LYST: variants seen among roughly 807,000 people sequenced by gnomAD.
LYST encodes the protein lysosomal-trafficking regulator.
A neutral mutation model predicts 413.6 loss-of-function variants in LYST; 192 were observed. That is an observed-to-expected ratio of 0.46 (90% CI 0.41 to 0.52). The LOEUF is 0.52. Ranked by LOEUF, LYST falls within the 20% of genes least tolerant of loss-of-function variation. LYST has a pLI of 0.00. For synonymous variants in LYST, 1,525 were observed against 1,567.3 expected (o/e 0.97, Z 0.64); for missense variants, 3,815 against 4,499.9 (o/e 0.85, Z 4.35).
chr1:235,779,073 G>A (rs909063216), intron 16 of LYST, among the ~76,000 whole-genome samples: 5 of 151,440 alleles, frequency 3.3e-5, no homozygotes. Context: ...CACCATGTTG[G>A]CCAGGCTGGT....
chr1:235,750,025 GT>G, intron 28 of LYST, among the ~76,000 whole-genome samples: 1 of 152,252 alleles, frequency 6.6e-6, no homozygotes, highest in South Asian at 2.1e-4. Flanking sequence ...AACAGCAGGG[GT>G]AGTAAAGGTA....
Position 235,791,956 on chromosome 1 carries a change from G to A in LYST, c.4286C>T (p.Ala1429Val). ...CTCTTTCTTGCTCCGTGAAACTCGT[G>A]CTCTTCTCAATAAACCCATGGCCTT... is the stretch of plus-strand genomic sequence containing the variant. ...NSKAMGLLRR[A>V]RVSRSKKEAD... Residue 1429 changes from alanine to valine, a missense_variant, in exon 12 of 53, where the codon GCA becomes GTA. Transcript: ENST00000389793. 2 of 1,614,104 alleles carry A rather than the reference G, an allele frequency of 1.2e-6. No individual in the cohort carries two copies. Among genetic ancestry groups the A allele is most frequent in the South Asian group, 1.1e-5 (1 of 91,076 alleles).
At chr1:235,697,041 G>A (rs970317620) in intron 46 of LYST, 42 bp downstream of exon 46, 6 of 1,572,198 alleles carry the variant, frequency 3.8e-6, no homozygotes, top group Non-Finnish European at 5.3e-6. Context: ...CAAATCTCAC[G>A]AAAGATATAT....
upstream of LYST, among the ~76,000 whole-genome samples, chr1:235,867,201 T>C (rs1407013100): frequency 6.6e-6 from 1 of 152,140 alleles, no homozygotes; most frequent in Non-Finnish European, 1.5e-5. Flanking sequence ...GTACCCTGGG[T>C]CCGCACCTCC....
chr1:235,825,031 AAACAAC>A (rs534430125), intron 3 of LYST, among the ~76,000 whole-genome samples: 18 of 152,114 alleles, frequency 1.2e-4, no homozygotes, highest in South Asian at 4.2e-4. Flanking sequence ...AAAAAAAAGA[AAACAAC>A]AACAACAACA....
At chr1:235,780,664 T>C (rs79563427) in intron 16 of LYST, among the ~76,000 whole-genome samples, 22 of 152,028 alleles carry the variant, frequency 1.4e-4, no homozygotes, top group Non-Finnish European at 2.4e-4. Context: ...GAAAAGGAGA[T>C]ATAAATATAA....
chr1:235,770,348 A>G, intron 19 of LYST, 51 bp from the exon 20 acceptor site: 1 of 1,569,652 alleles, frequency 6.4e-7, no homozygotes, highest in Non-Finnish European at 8.8e-7. Context: ...AAAAATATGC[A>G]GCATGCTTTT....
intron 46 of LYST, among the ~76,000 whole-genome samples, chr1:235,694,500 G>C (rs1660936277): frequency 6.6e-6 from 1 of 152,160 alleles, no homozygotes; most frequent in South Asian, 2.1e-4. Flanking sequence ...CTAAAGGAGA[G>C]ACAATGTGCT....
At chr1:235,759,678 C>T (rs1410424612) in intron 22 of LYST, 79 bp from the exon 23 acceptor site, 2 of 1,091,678 alleles carry the variant, frequency 1.8e-6, no homozygotes, top group Non-Finnish European at 1.4e-6. Flanking sequence ...TAAATCACAA[C>T]CACAGCAAAA....
intron 23 of LYST, among the ~76,000 whole-genome samples, 177 bp from the exon 24 acceptor site, chr1:235,757,635 G>A (rs546604445): frequency 6.6e-6 from 1 of 152,206 alleles, no homozygotes; most frequent in Non-Finnish European, 1.5e-5. Context: ...TTTTATCATT[G>A]ATTTTTTTGG....
At chr1:235,768,711 GCAAAGAC>G (rs1483001183) in intron 20 of LYST, among the ~76,000 whole-genome samples, 2 of 152,026 alleles carry the variant, frequency 1.3e-5, no homozygotes, top group East Asian at 3.8e-4. Flanking sequence ...TTTCTGACAT[GCAAAGAC>G]TGAATAAGAA....
At chr1:235,746,296 T>C in intron 29 of LYST, 40 bp downstream of exon 29, 9 of 1,574,280 alleles carry the variant, frequency 5.7e-6, no homozygotes, top group Non-Finnish European at 7.0e-6. Context: ...CTCTTTCATT[T>C]TAAAATCTGA....
At chr1:235,872,295 C>CAA (rs3077214) in intron 1 of LYST, among the ~76,000 whole-genome samples, 84 of 107,594 alleles carry the variant, frequency 7.8e-4, no homozygotes, top group African/African-American at 2.6e-3. Flanking sequence ...CATTCTGTCT[C>CAA]AAAAAAAAAA....
chr1:235,686,669 G>A lies in LYST; in HGVS notation c.10800+280C>T, dbSNP rs1299730399. The stretch of plus-strand genomic sequence containing the variant: ...ACTCCTAAGGATTCAGGTTGCTATC[G>A]CAAATACAGGTAAGCACCAAAATGT... On this transcript the variant is annotated intron_variant, in intron 48 of 52. Coordinates refer to ENST00000389793, the MANE Select transcript of LYST (RefSeq NM_000081.4). The surrounding 1 kb of genome is among the most constrained non-coding windows in gnomAD (Gnocchi z 4.0). Among the ~76,000 whole-genome samples the A allele has an allele frequency of 1.3e-5, 2 of 151,984 alleles. No individual in the cohort carries two copies. Among genetic ancestry groups the A allele is most frequent in the Non-Finnish European group, 2.9e-5 (2 of 68,002 alleles).
chr1:235,825,296 C>T (rs1675206256), intron 3 of LYST, among the ~76,000 whole-genome samples: 1 of 152,128 alleles, frequency 6.6e-6, no homozygotes, highest in African/African-American at 2.4e-5. Flanking sequence ...AGACACTAAA[C>T]CAGGAGGTCC....
intron 50 of LYST, among the ~76,000 whole-genome samples, chr1:235,676,107 CAT>C (rs1368543311): frequency 6.6e-6 from 1 of 152,128 alleles, no homozygotes; most frequent in African/African-American, 2.4e-5. Flanking sequence ...GGTTTCTTAA[CAT>C]GTATATATGA....
intron 1 of LYST, among the ~76,000 whole-genome samples, chr1:235,862,662 G>A (rs1007195324): frequency 6.6e-6 from 1 of 152,098 alleles, no homozygotes; most frequent in African/African-American, 2.4e-5. Context: ...CGGGCATGGT[G>A]GCAGGCATCT....
intron 42 of LYST, among the ~76,000 whole-genome samples, chr1:235,713,513 T>C (rs1159745489): frequency 1.3e-5 from 2 of 152,224 alleles, no homozygotes; most frequent in Non-Finnish European, 2.9e-5. Flanking sequence ...AGAATATGCA[T>C]ATATTAAACC....
intron 1 of LYST, among the ~76,000 whole-genome samples, chr1:235,847,142 C>G (rs1490801160): frequency 2.0e-5 from 3 of 152,050 alleles, no homozygotes; most frequent in Non-Finnish European, 4.4e-5. Context: ...ACCAGGTAGC[C>G]TATAAAAGAA....
Sources: allele counts gnomAD v4.1 joint callset (sites outside exome capture counted in the v4.1 genomes callset), GRCh38; gene constraint gnomAD v4.1.1; non-coding constraint Gnocchi (gnomAD v3.1); transcripts MANE v1.5; gene names NCBI Gene and HGNC (gene_info 2026-07-23, HGNC 2026-07-21).